The following PTPRD variants were observed in gnomAD, a reference collection of about 807,000 sequenced individuals.
PTPRD encodes protein tyrosine phosphatase receptor type D.
Under a neutral mutation model 214.5 loss-of-function variants are expected in PTPRD, and 34 were observed. That is an observed-to-expected ratio of 0.16 (90% CI 0.12 to 0.21). PTPRD has a LOEUF of 0.21. Ranked by LOEUF, PTPRD falls within the 10% of genes least tolerant of loss-of-function variation. The pLI is 1.00. For missense variants in PTPRD, 2,545 were observed against 2,398.7 expected, an observed-to-expected ratio of 1.06 and a Z score of -1.27; for synonymous variants, 1,128 against 845.7, an observed-to-expected ratio of 1.33 and a Z score of -5.79.
intron 4 of PTPRD, among the ~76,000 whole-genome samples, chr9:9,991,413 G>C (rs138769845): frequency 1.4e-4 from 21 of 151,406 alleles, no homozygotes; most frequent in African/African-American, 5.1e-4. Context: ...CCAGGCTGGA[G>C]TGCAATGTTG....
chr9:8,686,070 G>C, intron 12 of PTPRD, among the ~76,000 whole-genome samples: 1 of 152,194 alleles, frequency 6.6e-6, no homozygotes, highest in Admixed American at 6.5e-5. Context: ...ACAGTCCTCT[G>C]AAAGCAAGCA....
chr9:10,428,202 C>T (rs1456993043), intron 2 of PTPRD, among the ~76,000 whole-genome samples: 1 of 151,782 alleles, frequency 6.6e-6, no homozygotes, highest in African/African-American at 2.4e-5. Flanking sequence ...GGCTGTAATC[C>T]CAGCTACTTG....
intron 9 of PTPRD, among the ~76,000 whole-genome samples, chr9:9,212,049 A>G (rs1395385060): frequency 2.0e-5 from 3 of 152,182 alleles, no homozygotes; most frequent in East Asian, 3.8e-4. Flanking sequence ...CTTTATAAGA[A>G]CAATAGCATC....
chr9:10,228,410 CA>C (rs1161352466), intron 3 of PTPRD, among the ~76,000 whole-genome samples: 5 of 152,000 alleles, frequency 3.3e-5, no homozygotes, highest in African/African-American at 4.8e-5. Context: ...AGCCAGCCTT[CA>C]GGTTAATATT....
chr9:9,926,032 T>C (rs994953180), intron 5 of PTPRD, among the ~76,000 whole-genome samples: 2 of 152,048 alleles, frequency 1.3e-5, no homozygotes, highest in Admixed American at 6.6e-5. Flanking sequence ...GGTCTTTCTA[T>C]GTTGCCCAGG....
At chr9:8,511,431 A>T (rs1563958813) in intron 21 of PTPRD, among the ~76,000 whole-genome samples, 1 of 146,914 alleles carries the variant, frequency 6.8e-6, no homozygotes, top group Non-Finnish European at 1.5e-5. Context: ...TCTCACTGGT[A>T]TTTTTTTTTT....
chr9:10,325,936 T>A (rs1337005169), intron 3 of PTPRD, among the ~76,000 whole-genome samples: 1 of 151,994 alleles, frequency 6.6e-6, no homozygotes, highest in African/African-American at 2.4e-5. Context: ...ATAATTTTTT[T>A]ATGTAACAAA....
chr9:9,080,730 G>A (rs2099757760), intron 10 of PTPRD, among the ~76,000 whole-genome samples: 1 of 152,038 alleles, frequency 6.6e-6, no homozygotes, highest in Non-Finnish European at 1.5e-5. Flanking sequence ...CCTTGGGAGG[G>A]TGTATGTGTT....
At chr9:10,405,104 T>G (rs2098332262) in intron 2 of PTPRD, among the ~76,000 whole-genome samples, 1 of 151,488 alleles carries the variant, frequency 6.6e-6, no homozygotes, top group Admixed American at 6.6e-5. Context: ...AACAATTAAC[T>G]GGCTATCGGC....
chr9:9,052,112 G>C (rs939813179), intron 10 of PTPRD, among the ~76,000 whole-genome samples: 1 of 152,174 alleles, frequency 6.6e-6, no homozygotes, highest in Non-Finnish European at 1.5e-5. Flanking sequence ...GTGTGGTGTT[G>C]TTACAGCCGC....
At chr9:8,751,066 G>C (rs1227084537) in intron 11 of PTPRD, among the ~76,000 whole-genome samples, 1 of 152,086 alleles carries the variant, frequency 6.6e-6, no homozygotes, top group Non-Finnish European at 1.5e-5. Context: ...ACTTTTCAGT[G>C]ATCCTATGGC....
intron 2 of PTPRD, among the ~76,000 whole-genome samples, chr9:10,533,463 T>C (rs2056971862): frequency 6.6e-6 from 1 of 152,152 alleles, no homozygotes. Context: ...AGTGGGTATA[T>C]ACACTCAGCT....
intron 5 of PTPRD, among the ~76,000 whole-genome samples, chr9:9,775,377 G>C (rs181551306): frequency 3.3e-5 from 5 of 152,214 alleles, no homozygotes; most frequent in Non-Finnish European, 7.4e-5. Context: ...CTAAATTCTT[G>C]TTTAGTCAGA....
chr9:10,257,284 A>G (rs191006500), intron 3 of PTPRD, among the ~76,000 whole-genome samples: 95 of 152,298 alleles, frequency 6.2e-4, no homozygotes, highest in South Asian at 2.9e-3. Flanking sequence ...TCTGCTCCAC[A>G]GCATAACATT....
intron 11 of PTPRD, among the ~76,000 whole-genome samples, chr9:8,789,981 A>T (rs2096157462): frequency 6.6e-6 from 1 of 152,162 alleles, no homozygotes; most frequent in South Asian, 2.1e-4. Flanking sequence ...ACAATACTAT[A>T]CAACTCACTT....
intron 3 of PTPRD, among the ~76,000 whole-genome samples, chr9:10,301,270 A>G (rs1402939666): frequency 6.6e-6 from 1 of 152,154 alleles, no homozygotes. Flanking sequence ...AAGGTCACCA[A>G]CATCAAAGAC....
intron 10 of PTPRD, among the ~76,000 whole-genome samples, chr9:9,106,507 G>A (rs894363808): frequency 4.8e-5 from 7 of 146,730 alleles, no homozygotes; most frequent in East Asian, 2.0e-4. Context: ...CAGGCGATCC[G>A]ACTTTAGAGG....
intron 7 of PTPRD, among the ~76,000 whole-genome samples, chr9:9,580,499 G>A (rs2090406299): frequency 6.9e-6 from 1 of 144,950 alleles, no homozygotes; most frequent in South Asian, 2.2e-4. Flanking sequence ...CCATTTGTAT[G>A]TTTTCTTTTG....
At chr9:10,002,883 C>G (rs959162122) in intron 4 of PTPRD, among the ~76,000 whole-genome samples, 10 of 151,580 alleles carry the variant, frequency 6.6e-5, no homozygotes, top group Admixed American at 3.3e-4. Flanking sequence ...ACAATCTTCT[C>G]AAGTGCACAT....
Sources: gnomAD v4.1 joint callset for allele counts (sites outside exome capture counted in the v4.1 genomes callset) on GRCh38, gnomAD v4.1.1 for gene constraint, MANE v1.5 for transcripts, NCBI Gene and HGNC (gene_info 2026-07-23, HGNC 2026-07-21) for gene names.